The following ZNF470 variants were observed in gnomAD, a reference collection of about 807,000 sequenced individuals.
ZNF470 encodes chondrogenesis zinc finger protein 1.
Under a neutral mutation model 13.9 loss-of-function variants are expected in ZNF470, and 13 were observed. The observed-to-expected ratio is 0.94, with a 90% CI of 0.61 to 1.49. The LOEUF (loss-of-function observed/expected upper bound fraction) is 1.49, where lower values mean the gene tolerates loss of function less well. Among genes scored for constraint, ZNF470 ranks in the 40% most tolerant of loss-of-function variants. The pLI is 0.00. For synonymous variants in ZNF470, 293 were observed against 282.9 expected (o/e 1.04, Z -0.36); for missense variants, 929 against 857.3 (o/e 1.08, Z -1.04).
Position 56,577,903 on chromosome 19 carries a change from C to T in ZNF470, c.1474C>T (p.Gln492Ter). Residue 492 changes from glutamine (Q) to a stop codon, truncating the protein, a stop_gained, in exon 6 of 6, where the codon CAG becomes TAG. Transcript: ENST00000330619. LOFTEE classifies it low-confidence loss of function (END_TRUNC). Reference sequence around the variant, plus strand: ...TAAAGAATGTGGGAAAGCTTTCCGGCAGAGCACGCATCTGGCTCATCATCA... The same window carrying T: ...TAAAGAATGTGGGAAAGCTTTCCGGTAGAGCACGCATCTGGCTCATCATCA... Reference protein sequence around the residue: ...ECKECGKAFRQSTHLAHHQRI... With the variant: ...ECKECGKAFR The T allele has an allele frequency of 6.2e-7, 1 of 1,613,792 alleles. No individual in the cohort carries two copies. The highest frequency in any genetic ancestry group is 8.5e-7 in the Non-Finnish European group (1 of 1,179,868).
Position 56,577,910 on chromosome 19 carries a change from C to T in ZNF470, c.1481C>T (p.Thr494Met), listed in dbSNP as rs1299303032. 23 of 1,613,928 alleles carry T rather than the reference C, an allele frequency of 1.4e-5. No individual in the cohort carries two copies. Among genetic ancestry groups the T allele is most frequent in the Non-Finnish European group, 1.9e-5 (22 of 1,179,938 alleles). ...KECGKAFRQS[T>M]HLAHHQRIHT... ...TGTGGGAAAGCTTTCCGGCAGAGCA[C>T]GCATCTGGCTCATCATCAGAGAATT... Residue 494 changes from threonine to methionine, a missense_variant, in exon 6 of 6, where the codon ACG becomes ATG. By Grantham distance (81) the Thr-to-Met change is moderately conservative. Coordinates refer to ENST00000330619, the MANE Select transcript of ZNF470 (RefSeq NM_001001668.4).
At position 56,578,812 on chromosome 19, in the gene ZNF470, T is replaced by C. The variant is rs2044513755; in HGVS notation, c.*229T>C. 5 of 1,213,784 alleles carry C rather than the reference T, an allele frequency of 4.1e-6. No individual in the cohort carries two copies. Among genetic ancestry groups the C allele is most frequent in the East Asian group, 3.2e-5 (1 of 31,412 alleles). The allele number at this position is 1,213,784 out of a possible 1,614,324, so 75.2% of individuals were successfully genotyped here. A position where few individuals can be genotyped will look rare whatever the true frequency, so the allele number is the denominator to read the frequency against. Reference sequence around the variant, plus strand: ...TTTAAAACACTTGATTTGAAAAATATATTAACTAATCCATTTCAAGGATTT... The same window carrying C: ...TTTAAAACACTTGATTTGAAAAATACATTAACTAATCCATTTCAAGGATTT... On this transcript the variant is annotated 3_prime_UTR_variant, in exon 6 of 6. Coordinates refer to ENST00000330619, the MANE Select transcript of ZNF470 (RefSeq NM_001001668.4).
rs2044522522 is a variant in ZNF470 at position 56,579,877 on chromosome 19, T to C, written c.*1294T>C. On this transcript the variant is annotated 3_prime_UTR_variant, in exon 6 of 6. Coordinates refer to ENST00000330619, the MANE Select transcript of ZNF470 (RefSeq NM_001001668.4). Reference sequence around the variant, plus strand: ...TTAGTTGAGAAGCTGATTCTGATCATCTGTAGAATTTTGATTTTAACGAGG... The same window carrying C: ...TTAGTTGAGAAGCTGATTCTGATCACCTGTAGAATTTTGATTTTAACGAGG... 1 of 498,646 alleles carries C rather than the reference T, an allele frequency of 2.0e-6. No homozygotes were observed. The highest frequency in any genetic ancestry group is 2.6e-6 in the Non-Finnish European group (1 of 385,568). 30.9% of individuals were successfully genotyped at this position (498,646 alleles called of 1,614,324 possible).
At position 56,577,498 on chromosome 19, in the gene ZNF470, C is replaced by T. The variant is rs748252363; in HGVS notation, c.1069C>T (p.His357Tyr). 2 of 1,613,456 alleles carry T rather than the reference C, an allele frequency of 1.2e-6. No homozygotes were observed. Among genetic ancestry groups the T allele is most frequent in the Non-Finnish European group, 1.7e-6 (2 of 1,179,530 alleles). ...TTTTAGTGATTGCTCATCCCTAGCT[C>T]ATCATCGAAGGATTCACACTGGGAA... ...KAFSDCSSLA[H>Y]HRRIHTGKRP... Residue 357 changes from histidine to tyrosine, a missense_variant, in exon 6 of 6, where the codon CAT becomes TAT. Transcript: ENST00000330619.
chr19:56,576,740 CATT>C lies in ZNF470; in HGVS notation c.314_316del (p.Leu105del), dbSNP rs1308322930. On this transcript the variant is annotated inframe_deletion, in exon 6 of 6. Transcript: ENST00000330619. ...TTGGAGTGTGTGTGGGTGACCAAAT[CATT>C]ATCTTTAAACCAGGATATTTATGAA... 1.7e-5 allele frequency: 25 copies of C among 1,480,956 alleles called. No homozygotes were observed. Among genetic ancestry groups the C allele is most frequent in the Non-Finnish European group, 2.1e-5 (23 of 1,117,256 alleles). 91.7% of individuals were successfully genotyped at this position (1,480,956 alleles called of 1,614,324 possible).
chr19:56,580,742 A>G lies in ZNF470; in HGVS notation c.*2159A>G. The G allele has an allele frequency of 1.5e-6, 1 of 648,128 alleles. No individual in the cohort carries two copies. The highest frequency in any genetic ancestry group is 6.9e-5 in the South Asian group (1 of 14,490). The allele number at this position is 648,128 out of a possible 1,614,324, so 40.1% of individuals were successfully genotyped here. ...AAATGGAGTTTGGGGCTCCCTCTTC[A>G]CTTCTGCTGATAGAAGCATAATGGC... On this transcript the variant is annotated 3_prime_UTR_variant, in exon 6 of 6. Coordinates refer to ENST00000330619, the MANE Select transcript of ZNF470 (RefSeq NM_001001668.4).
chr19:56,581,714 C>G lies in ZNF470; in HGVS notation c.*3131C>G. Reference sequence around the variant, plus strand: ...TATTATAGTAGGCATTTGTTTTTCTCTGCCCAGTTTCCCTTGCCTCCTCCT... The same window carrying G: ...TATTATAGTAGGCATTTGTTTTTCTGTGCCCAGTTTCCCTTGCCTCCTCCT... On this transcript the variant is annotated 3_prime_UTR_variant, in exon 6 of 6. Coordinates refer to ENST00000330619, the MANE Select transcript of ZNF470 (RefSeq NM_001001668.4). 1 of 985,346 alleles carries G rather than the reference C, an allele frequency of 1.0e-6. No individual in the cohort carries two copies. Among genetic ancestry groups the G allele is most frequent in the Non-Finnish European group, 1.2e-6 (1 of 829,894 alleles). The allele number at this position is 985,346 out of a possible 1,614,324, so 61.0% of individuals were successfully genotyped here.
intron 3 of ZNF470, among the ~76,000 whole-genome samples, chr19:56,571,614 CTT>C (rs58632547): frequency 2.1e-5 from 3 of 142,778 alleles, no homozygotes; most frequent in Non-Finnish European, 4.6e-5. Context: ...TGTTTTTTGT[CTT>C]TTTTTTTTTT....
intron 2 of ZNF470, 155 bp from the exon 3 acceptor site, chr19:56,570,125 A>G (rs138769416): frequency 5.8e-4 from 337 of 579,892 alleles, no homozygotes; most frequent in African/African-American, 4.3e-3. Context: ...CCCCAGCTAT[A>G]TATTTCAAGT....
At chr19:56,568,131 C>A in intron 1 of ZNF470, 93 bp downstream of exon 1, 1 of 985,162 alleles carries the variant, frequency 1.0e-6, no homozygotes, top group Non-Finnish European at 1.2e-6. Context: ...GGAGGATGTC[C>A]CCCGTTTCTA....
intron 3 of ZNF470, among the ~76,000 whole-genome samples, chr19:56,573,112 A>G (rs1348728640): frequency 6.6e-6 from 1 of 152,256 alleles, no homozygotes; most frequent in African/African-American, 2.4e-5. Context: ...ATTGTAGCAT[A>G]CTACAGTTAG....
chr19:56,582,654 G>A lies in ZNF470; in HGVS notation c.*4071G>A, dbSNP rs944512025. 3.5e-6 allele frequency: 3 copies of A among 858,800 alleles called. No homozygotes were observed. In the South Asian group the frequency reaches 1.6e-4, roughly 46 times the overall value. The allele number at this position is 858,800 out of a possible 1,614,324, so 53.2% of individuals were successfully genotyped here. A position where few individuals can be genotyped will look rare whatever the true frequency, so the allele number is the denominator to read the frequency against. ...AAGGCCTTTAAGAAACTAAGGTTAA[G>A]TTAGGCCATAAGAGTGAGGCCCTAA... is the stretch of plus-strand genomic sequence containing the variant. On this transcript the variant is annotated 3_prime_UTR_variant, in exon 6 of 6. Transcript: ENST00000330619.
chr19:56,573,904 T>A lies in ZNF470; in HGVS notation c.61-490T>A. The stretch of plus-strand genomic sequence containing the variant: ...TAGCTAGGTGTTTTTTTCCTTTCAT[T>A]TTTTAGGCATACCTCTTAACATCTC... On this transcript the variant is annotated intron_variant, in intron 3 of 5. Transcript: ENST00000330619. 3.1e-6 allele frequency: 3 copies of A among 965,500 alleles called. No homozygotes were observed. In the South Asian group the frequency reaches 1.4e-4, roughly 46 times the overall value. The allele number at this position is 965,500 out of a possible 1,614,324, so 59.8% of individuals were successfully genotyped here.
At position 56,577,341 on chromosome 19, in the gene ZNF470, A is replaced by T. The variant is rs546862997; in HGVS notation, c.912A>T (p.Arg304Ser). Residue 304 changes from arginine to serine, a missense_variant, in exon 6 of 6, where the codon AGA becomes AGT. Coordinates refer to ENST00000330619, the MANE Select transcript of ZNF470 (RefSeq NM_001001668.4). The stretch of plus-strand genomic sequence containing the variant: ...ATGCTCATCTTGTTCAACACCAGAG[A>T]GTTCATACTGGAGAGAAACCTTATC... ...SQNAHLVQHQ[R>S]VHTGEKPYQC... 6.2e-7 allele frequency: 1 copy of T among 1,613,832 alleles called. No individual in the cohort carries two copies. Among genetic ancestry groups the T allele is most frequent in the Admixed American group, 1.7e-5 (1 of 59,984 alleles).
chr19:56,574,737 A>G lies in ZNF470; in HGVS notation c.283+4A>G, dbSNP rs1374414842. The G allele has an allele frequency of 3.7e-6, 6 of 1,610,666 alleles. No individual in the cohort carries two copies. The highest frequency in any genetic ancestry group is 5.1e-6 in the Non-Finnish European group (6 of 1,178,056). On this transcript the variant is annotated splice_donor_region_variant and intron_variant, in intron 5 of 5. Coordinates refer to ENST00000330619, the MANE Select transcript of ZNF470 (RefSeq NM_001001668.4). The stretch of plus-strand genomic sequence containing the variant: ...ATGAACAGAGGCCTGTGCCCAGGTA[A>G]GTGGAGGATACCTAGAGATAAAGGA...
chr19:56,571,538 T>C (rs2044451866), intron 3 of ZNF470, among the ~76,000 whole-genome samples: 1 of 152,164 alleles, frequency 6.6e-6, no homozygotes, highest in South Asian at 2.1e-4. Context: ...TGTAAGAAAG[T>C]ATTGAATTTG....
Position 56,581,272 on chromosome 19 carries a change from A to C in ZNF470, c.*2689A>C. The stretch of plus-strand genomic sequence containing the variant: ...TATCCAATATCACTAGAAATCAAGA[A>C]ATGCAAATTAAAGTGATTATCTACT... On this transcript the variant is annotated 3_prime_UTR_variant, in exon 6 of 6. Transcript: ENST00000330619. 1 of 663,864 alleles carries C rather than the reference A, an allele frequency of 1.5e-6. No homozygotes were observed. Among genetic ancestry groups the C allele is most frequent in the Non-Finnish European group, 1.9e-6 (1 of 536,680 alleles). The allele number at this position is 663,864 out of a possible 1,614,324, so 41.1% of individuals were successfully genotyped here. A position where few individuals can be genotyped will look rare whatever the true frequency, so the allele number is the denominator to read the frequency against.
chr19:56,576,158 T>G (rs1422480864), intron 5 of ZNF470, among the ~76,000 whole-genome samples: 1 of 151,972 alleles, frequency 6.6e-6, no homozygotes, highest in Non-Finnish European at 1.5e-5. Context: ...TAAAATAATT[T>G]GAAAAAATAG....
chr19:56,574,187 C>T (rs2044473155), intron 3 of ZNF470: 2 of 844,934 alleles, frequency 2.4e-6, no homozygotes, highest in African/African-American at 1.7e-5. Flanking sequence ...AGGAGTATCT[C>T]ATTTTTTTCT....
Sources: allele counts gnomAD v4.1 joint callset (sites outside exome capture counted in the v4.1 genomes callset), GRCh38; gene constraint gnomAD v4.1.1; transcripts MANE v1.5; gene names NCBI Gene and HGNC (gene_info 2026-07-23, HGNC 2026-07-21).